The following BCAS3 variants were observed in gnomAD, a reference collection of about 807,000 sequenced individuals.
BCAS3 encodes the protein BCAS3 microtubule associated cell migration factor.
BCAS3 carries 53 observed loss-of-function variants against 116.1 expected under a neutral mutation model. The ratio of observed to expected loss-of-function variants is 0.46; its 90% CI spans 0.37 to 0.57. The LOEUF is 0.57. BCAS3 is among the 20% of genes least tolerant of loss of function. The probability of loss-of-function intolerance (pLI) is 0.00; values close to 1 mark genes in which losing one functional copy is unlikely to be tolerated. For synonymous variants in BCAS3, 391 were observed against 408.2 expected, an observed-to-expected ratio of 0.96 and a Z score of 0.51; for missense variants, 917 against 1,165.4, an observed-to-expected ratio of 0.79 and a Z score of 3.10.
intron 7 of BCAS3, among the ~76,000 whole-genome samples, chr17:60,823,097 A>G (rs983400600): frequency 6.6e-6 from 1 of 152,206 alleles, no homozygotes; most frequent in Admixed American, 6.5e-5. Context: ...CTCATACAGC[A>G]ATAGATACAT....
intron 22 of BCAS3, among the ~76,000 whole-genome samples, chr17:61,120,592 G>A (rs1252176561): frequency 1.3e-5 from 2 of 151,950 alleles, no homozygotes; most frequent in African/African-American, 2.4e-5. Flanking sequence ...TTGACACTTA[G>A]CAACCCATCA....
intron 3 of BCAS3, among the ~76,000 whole-genome samples, chr17:60,687,296 C>T (rs750469674): frequency 2.6e-5 from 4 of 152,168 alleles, no homozygotes; most frequent in Non-Finnish European, 4.4e-5. Context: ...TGGCAGTACA[C>T]TGACCTCTAT....
At chr17:61,289,849 C>A (rs1001785549) in intron 22 of BCAS3, among the ~76,000 whole-genome samples, 7 of 151,960 alleles carry the variant, frequency 4.6e-5, no homozygotes, top group Non-Finnish European at 1.0e-4. Context: ...ATTTTTGCAC[C>A]ATCTTAAGCC....
intron 22 of BCAS3, among the ~76,000 whole-genome samples, chr17:61,117,490 G>A (rs2075542096): frequency 1.3e-5 from 2 of 152,120 alleles, no homozygotes; most frequent in Non-Finnish European, 2.9e-5. Flanking sequence ...AACTACTAGG[G>A]AGGCCGAGGG....
Position 61,380,380 on chromosome 17 carries a change from C to G in BCAS3, c.2594-11597C>G, listed in dbSNP as rs2059548088. 2.5e-6 allele frequency: 2 copies of G among 801,578 alleles called. No individual in the cohort carries two copies. The highest frequency in any genetic ancestry group is 1.7e-5 in the African/African-American group (1 of 58,936). 49.7% of individuals were successfully genotyped at this position (801,578 alleles called of 1,614,324 possible). On this transcript the variant is annotated intron_variant, in intron 23 of 23. Coordinates refer to ENST00000407086, the MANE Select transcript of BCAS3 (RefSeq NM_017679.5). The surrounding 1 kb of genome is among the most constrained non-coding windows in gnomAD (Gnocchi z 4.2). ...TGTGCCTGGGAACAGACCATGAACA[C>G]CCCCGCAAAGCTCTCAGTGGTCAAA...
chr17:61,368,364 C>T lies in BCAS3; in HGVS notation c.2463C>T (p.Cys821=), dbSNP rs1315172358. 9 of 1,609,584 alleles carry T rather than the reference C, an allele frequency of 5.6e-6. No homozygotes were observed. The highest frequency in any genetic ancestry group is 4.5e-5 in the East Asian group (2 of 44,748). The part of the protein sequence containing the change: ...FDRSVTLLEV[C]GSWPEGFGLR... ...GGAGCGTGACCCTGCTGGAGGTGTG[C>T]GGGAGCTGGCCTGAGGGCTTCGGGC... The change falls in exon 23 of 24, where the codon TGC becomes TGT. Residue 821 remains cysteine, a synonymous_variant. Coordinates refer to ENST00000407086, the MANE Select transcript of BCAS3 (RefSeq NM_017679.5). This position sits in a 1 kb window ranked among gnomAD's most constrained non-coding sequence, Gnocchi z 6.0.
At chr17:60,724,048 T>C (rs1420397023) in intron 5 of BCAS3, among the ~76,000 whole-genome samples, 1 of 152,004 alleles carries the variant, frequency 6.6e-6, no homozygotes, top group Non-Finnish European at 1.5e-5. Context: ...AAATTTTCTT[T>C]TGATGAAAAA....
Position 61,196,561 on chromosome 17 carries a change from C to T in BCAS3, c.2425+111997C>T, listed in dbSNP as rs1296255571. Among the ~76,000 whole-genome samples, 1 of 152,202 alleles carries T rather than the reference C, an allele frequency of 6.6e-6. No individual in the cohort carries two copies. Among genetic ancestry groups the T allele is most frequent in the African/African-American group, 2.4e-5 (1 of 41,452 alleles). ...GGAAGTAGCCCCAAGGCTGGTTAGTCCCCTTCCAGATGGGGAGGTTAGACT... is the reference window on the plus strand; with the variant it reads ...GGAAGTAGCCCCAAGGCTGGTTAGTTCCCTTCCAGATGGGGAGGTTAGACT... On this transcript the variant is annotated intron_variant, in intron 22 of 23. Coordinates refer to ENST00000407086, the MANE Select transcript of BCAS3 (RefSeq NM_017679.5). This position sits in a 1 kb window ranked among gnomAD's most constrained non-coding sequence, Gnocchi z 4.7.
intron 7 of BCAS3, among the ~76,000 whole-genome samples, chr17:60,825,506 TTTATAATAATTTATAAATA>T (rs1166163463): frequency 5.6e-5 from 8 of 142,800 alleles, no homozygotes; most frequent in Non-Finnish European, 9.3e-5. Context: ...ATAATAATTA[TTTATAATAATTTATAAATA>T]TTATAATAAT....
chr17:61,136,930 G>T lies in BCAS3; in HGVS notation c.2425+52366G>T, dbSNP rs2076672841. 6.6e-6 allele frequency among the ~76,000 whole-genome samples: 1 copy of T among 152,160 alleles called. No homozygotes were observed. Among genetic ancestry groups the T allele is most frequent in the South Asian group, 2.1e-4 (1 of 4,826 alleles). ...AGACCCTGGTGGGTGCTGAGAAAAT[G>T]TTGAATTATTCAGATAGTTGATTCA... On this transcript the variant is annotated intron_variant, in intron 22 of 23. Transcript: ENST00000407086. This position sits in a 1 kb window ranked among gnomAD's most constrained non-coding sequence, Gnocchi z 4.4.
Position 60,726,400 on chromosome 17 carries a change from A to G in BCAS3, c.321+17075A>G, listed in dbSNP as rs1218140351. On this transcript the variant is annotated intron_variant, in intron 5 of 23. Transcript: ENST00000407086. ...TTTTTAGTGGAGACAGGGTTTCTCC[A>G]TGTTGGTCAGGCTGGTCTCGAACTC... 2.0e-5 allele frequency among the ~76,000 whole-genome samples: 3 copies of G among 147,198 alleles called. No homozygotes were observed. The Admixed American group carries it at 2.1e-4, about 10-fold the overall frequency.
intron 5 of BCAS3, among the ~76,000 whole-genome samples, chr17:60,727,995 G>C (rs997656573): frequency 6.6e-6 from 1 of 151,846 alleles, no homozygotes; most frequent in Non-Finnish European, 1.5e-5. Context: ...TTTTTGTAGA[G>C]ATGGGGTTTC....
At chr17:60,748,888 C>T (rs2042217433) in intron 6 of BCAS3, 1 of 152,022 alleles carries the variant, frequency 6.6e-6, no homozygotes, top group African/African-American at 2.4e-5. Context: ...ATGATTTGAA[C>T]AAATTACTTG....
At chr17:61,191,685 G>A (rs753905823) in intron 22 of BCAS3, among the ~76,000 whole-genome samples, 2 of 151,856 alleles carry the variant, frequency 1.3e-5, no homozygotes, top group African/African-American at 2.4e-5. Context: ...TGAGGCAGGA[G>A]AATGGCGTGA....
chr17:61,267,924 G>T (rs2049893075), intron 22 of BCAS3, among the ~76,000 whole-genome samples: 1 of 151,854 alleles, frequency 6.6e-6, no homozygotes, highest in Non-Finnish European at 1.5e-5. Context: ...TGTGTACAAA[G>T]CTCACCGAAA....
In BCAS3 at chr17:61,233,501, T is replaced by G. The variant is rs1383118184; in HGVS notation, c.2426-134826T>G. Among the ~76,000 whole-genome samples, 1 of 152,260 alleles carries G rather than the reference T, an allele frequency of 6.6e-6. No homozygotes were observed. Among genetic ancestry groups the G allele is most frequent in the Non-Finnish European group, 1.5e-5 (1 of 68,044 alleles). On this transcript the variant is annotated intron_variant, in intron 22 of 23. Transcript: ENST00000407086. The surrounding 1 kb of genome is among the most constrained non-coding windows in gnomAD (Gnocchi z 4.3). The stretch of plus-strand genomic sequence containing the variant: ...AATGCTTCTTTTTAAGTTGCTGTCT[T>G]GTGATCAAAACACAGTAAATGAAGG...
At chr17:61,269,229 C>T (rs985461220) in intron 22 of BCAS3, among the ~76,000 whole-genome samples, 1 of 151,870 alleles carries the variant, frequency 6.6e-6, no homozygotes, top group African/African-American at 2.4e-5. Flanking sequence ...ATTCTCCTGC[C>T]TCAGCCTCCC....
At position 60,831,990 on chromosome 17, in the gene BCAS3, C is replaced by T. The variant is rs140312289; in HGVS notation, c.476+23914C>T. Among the ~76,000 whole-genome samples, 930 of 152,104 alleles carry T rather than the reference C, an allele frequency of 6.1e-3. 9 individuals carry two copies. Among genetic ancestry groups the T allele is most frequent in the African/African-American group, 0.02 (850 of 41,492 alleles). ...TTCTCAGACAAAAAAATAAAATGTA[C>T]GTTTATGATGATGAAAACAGCTGCA... is the stretch of plus-strand genomic sequence containing the variant. On this transcript the variant is annotated intron_variant, in intron 7 of 23. Transcript: ENST00000407086.
At position 61,188,735 on chromosome 17, in the gene BCAS3, C is replaced by T. The variant is rs1403708840; in HGVS notation, c.2425+104171C>T. Reference sequence around the variant, plus strand: ...AAAGGAGAAGAAAGTAAAGTGTATACATACAAATTTTAAATATGTTAAACC... The same window carrying T: ...AAAGGAGAAGAAAGTAAAGTGTATATATACAAATTTTAAATATGTTAAACC... On this transcript the variant is annotated intron_variant, in intron 22 of 23. Coordinates refer to ENST00000407086, the MANE Select transcript of BCAS3 (RefSeq NM_017679.5). This position sits in a 1 kb window ranked among gnomAD's most constrained non-coding sequence, Gnocchi z 4.0. 6.6e-6 allele frequency among the ~76,000 whole-genome samples: 1 copy of T among 152,176 alleles called. No homozygotes were observed. Among genetic ancestry groups the T allele is most frequent in the South Asian group, 2.1e-4 (1 of 4,828 alleles).
Sources: allele counts gnomAD v4.1 joint callset (sites outside exome capture counted in the v4.1 genomes callset), GRCh38; gene constraint gnomAD v4.1.1; non-coding constraint Gnocchi (gnomAD v3.1); transcripts MANE v1.5; gene names NCBI Gene and HGNC (gene_info 2026-07-23, HGNC 2026-07-21).